Variants in UPP2 observed in about 807,000 individuals in gnomAD.
The protein encoded by UPP2 is UPase 2.
In UPP2, 23 loss-of-function variants were observed where a neutral mutation model predicts 26.7. That is an observed-to-expected ratio of 0.86 (90% CI 0.62 to 1.22). UPP2 has a LOEUF of 1.22. UPP2 is among the 50% of genes most tolerant of loss of function. UPP2 has a pLI of 0.00. For synonymous variants in UPP2, 127 were observed against 141.3 expected, an observed-to-expected ratio of 0.90 and a Z score of 0.72; for missense variants, 387 against 396.7, an observed-to-expected ratio of 0.98 and a Z score of 0.21.
intron 3 of UPP2, among the ~76,000 whole-genome samples, chr2:158,055,585 C>T (rs1467626309): frequency 6.6e-6 from 1 of 152,060 alleles, no homozygotes; most frequent in Non-Finnish European, 1.5e-5. Context: ...AAAAGTATTC[C>T]CATAACATGA....
intron 3 of UPP2, among the ~76,000 whole-genome samples, chr2:158,021,332 T>C (rs1683747752): frequency 6.6e-6 from 1 of 152,244 alleles, no homozygotes; most frequent in African/African-American, 2.4e-5. Context: ...TGTATCTGGA[T>C]TGGTTTTGGA....
chr2:157,999,717 C>T (rs1403753733), intron 2 of UPP2, among the ~76,000 whole-genome samples: 2 of 152,168 alleles, frequency 1.3e-5, no homozygotes, highest in African/African-American at 4.8e-5. Context: ...ATAATCCTGA[C>T]TCTATGTAGG....
intron 3 of UPP2, chr2:158,065,634 TAAAC>T: frequency 1.7e-6 from 1 of 575,540 alleles, no homozygotes; most frequent in Non-Finnish European, 3.3e-6. Context: ...AATGTGACCT[TAAAC>T]AAATTCGTAG....
intron 4 of UPP2, among the ~76,000 whole-genome samples, chr2:158,120,986 A>C (rs59685387): frequency 0.052 from 7,964 of 152,116 alleles, 629 homozygotes; most frequent in African/African-American, 0.17. Flanking sequence ...GAAAAGAATC[A>C]GAAGAAAAAG....
upstream of UPP2, among the ~76,000 whole-genome samples, chr2:158,099,880 C>A (rs1683046505): frequency 1.3e-5 from 2 of 152,216 alleles, no homozygotes; most frequent in African/African-American, 4.8e-5. Flanking sequence ...TGATGCAAGA[C>A]CCTCCTGATC....
At chr2:158,042,531 A>T (rs976636125) in intron 3 of UPP2, among the ~76,000 whole-genome samples, 4 of 152,180 alleles carry the variant, frequency 2.6e-5, no homozygotes, top group Non-Finnish European at 5.9e-5. Context: ...TTAAACAGAC[A>T]GCTGTGGGCA....
At chr2:158,120,646 C>T (rs548413308) in intron 4 of UPP2, among the ~76,000 whole-genome samples, 1 of 152,040 alleles carries the variant, frequency 6.6e-6, no homozygotes, top group African/African-American at 2.4e-5. Flanking sequence ...AAATAGAAAC[C>T]AGACTGGGTC....
intron 3 of UPP2, among the ~76,000 whole-genome samples, chr2:158,033,658 T>TAGTTATGTTGAA (rs1186906170): frequency 1.9e-4 from 29 of 152,238 alleles, no homozygotes; most frequent in Admixed American, 1.6e-3. Context: ...CTATGCAAGA[T>TAGTTATGTTGAA]CTACCTGCAG....
intron 3 of UPP2, among the ~76,000 whole-genome samples, chr2:158,019,358 T>A (rs1057087398): frequency 6.6e-6 from 1 of 151,940 alleles, no homozygotes; most frequent in South Asian, 2.1e-4. Context: ...GATATACAGA[T>A]CCATTGCTGG....
chr2:158,026,228 G>A (rs755659878), intron 3 of UPP2, among the ~76,000 whole-genome samples: 8 of 152,076 alleles, frequency 5.3e-5, no homozygotes, highest in Non-Finnish European at 1.2e-4. Flanking sequence ...TCTTATCCTC[G>A]CAGAGCAGCA....
At chr2:158,071,073 GTAC>G (rs1682531831) in intron 3 of UPP2, among the ~76,000 whole-genome samples, 1 of 152,172 alleles carries the variant, frequency 6.6e-6, no homozygotes, top group Non-Finnish European at 1.5e-5. Context: ...GTGCTCTGGA[GTAC>G]TAGGTAAAAT....
At chr2:158,126,199 T>C (rs1011670713) in intron 6 of UPP2, among the ~76,000 whole-genome samples, 1 of 152,192 alleles carries the variant, frequency 6.6e-6, no homozygotes, top group East Asian at 1.9e-4. Context: ...CCTTGCTCTC[T>C]CTGCTACCTG....
At chr2:158,092,655 A>G (rs755043204) in intron 3 of UPP2, among the ~76,000 whole-genome samples, 4 of 152,230 alleles carry the variant, frequency 2.6e-5, no homozygotes, top group Non-Finnish European at 5.9e-5. Context: ...GGATAATGTA[A>G]ATTATTATTA....
chr2:158,116,911 G>A (rs189525998), intron 3 of UPP2, among the ~76,000 whole-genome samples: 7 of 149,388 alleles, frequency 4.7e-5, no homozygotes, highest in Admixed American at 4.0e-4. Flanking sequence ...AAGGGGTAAC[G>A]CAGAGGTTCG....
intron 3 of UPP2, among the ~76,000 whole-genome samples, chr2:158,087,639 T>C (rs1017345896): frequency 6.6e-6 from 1 of 152,318 alleles, no homozygotes; most frequent in Middle Eastern, 3.4e-3. Context: ...TTTTGAGTAT[T>C]TGTTTCAAGA....
rs1683910217 is a variant in UPP2, at chr2:158,135,299, A to C, written c.*409A>C. On this transcript the variant is annotated 3_prime_UTR_variant, in exon 7 of 7. Coordinates refer to ENST00000005756, the MANE Select transcript of UPP2 (RefSeq NM_173355.4). ...TTCTAGGTATTGGACAAGTGACAGA[A>C]ACTGATCATCCATATTCAAAATATT... 1 of 154,912 alleles carries C rather than the reference A, an allele frequency of 6.5e-6. No individual in the cohort carries two copies. The highest frequency in any genetic ancestry group is 1.4e-5 in the Non-Finnish European group (1 of 69,644). The allele number at this position is 154,912 out of a possible 1,614,324, so 9.6% of individuals were successfully genotyped here.
intron 3 of UPP2, among the ~76,000 whole-genome samples, chr2:158,079,797 A>G (rs1682691980): frequency 1.3e-5 from 2 of 152,178 alleles, no homozygotes; most frequent in Non-Finnish European, 2.9e-5. Context: ...AGAGAGAGGT[A>G]AGTTCTATGC....
upstream of UPP2, among the ~76,000 whole-genome samples, chr2:158,099,693 G>A (rs1440342704): frequency 1.3e-5 from 2 of 152,164 alleles, no homozygotes; most frequent in Non-Finnish European, 2.9e-5. Flanking sequence ...CTATCCAGTT[G>A]TACATCAAGA....
At chr2:158,011,343 C>G (rs536728669) in intron 2 of UPP2, among the ~76,000 whole-genome samples, 2 of 152,340 alleles carry the variant, frequency 1.3e-5, no homozygotes, top group East Asian at 3.8e-4. Flanking sequence ...TTTCTCCCTC[C>G]TGCGTCTCTG....
Sources: gnomAD v4.1 joint callset for allele counts (sites outside exome capture counted in the v4.1 genomes callset) on GRCh38, gnomAD v4.1.1 for gene constraint, MANE v1.5 for transcripts, NCBI Gene and HGNC (gene_info 2026-07-23, HGNC 2026-07-21) for gene names.